Variants in SPOCD1 observed in about 807,000 individuals in gnomAD.
SPOCD1 encodes SPOC domain containing 1.
SPOCD1 carries 64 observed loss-of-function variants against 92.2 expected under a neutral mutation model. That is an observed-to-expected ratio of 0.69 (90% CI 0.57 to 0.86). The LOEUF (loss-of-function observed/expected upper bound fraction) is 0.86, where lower values mean the gene tolerates loss of function less well. SPOCD1 is among the 40% of genes least tolerant of loss of function. SPOCD1 has a pLI of 0.00. For synonymous variants in SPOCD1, 578 were observed against 619.3 expected, an observed-to-expected ratio of 0.93 and a Z score of 0.99; for missense variants, 1,360 against 1,543.1, an observed-to-expected ratio of 0.88 and a Z score of 1.99.
intron 13 of SPOCD1, 113 bp downstream of exon 13, chr1:31,793,165 A>C: frequency 3.7e-6 from 5 of 1,334,820 alleles, no homozygotes; most frequent in Middle Eastern, 2.7e-4. Context: ...CCAGGCACAG[A>C]AAGGGGTGCC....
intron 2 of SPOCD1, among the ~76,000 whole-genome samples, chr1:31,810,854 C>T (rs1043749203): frequency 3.9e-5 from 6 of 152,192 alleles, no homozygotes; most frequent in African/African-American, 1.4e-4. Context: ...GCCAGAGGAG[C>T]TGTGTGCCTC....
At position 31,801,751 on chromosome 1, in the gene SPOCD1, C is replaced by T. The variant is rs374779533; in HGVS notation, c.1384-46G>A. 136 of 1,496,224 alleles carry T rather than the reference C, an allele frequency of 9.1e-5. 2 individuals are homozygous for T. In the Middle Eastern group the frequency reaches 8.7e-3, roughly 96 times the overall value. 92.7% of individuals were successfully genotyped at this position (1,496,224 alleles called of 1,614,324 possible). On this transcript the variant is annotated intron_variant, in intron 2 of 15. Coordinates refer to ENST00000360482, the MANE Select transcript of SPOCD1 (RefSeq NM_144569.7). ...AGAGATTAGAATCCAGAGGACCCAG[C>T]CACCCCATGGCAGGGAATTCACAAA...
intron 2 of SPOCD1, among the ~76,000 whole-genome samples, chr1:31,806,834 T>A (rs974298477): frequency 1.3e-5 from 2 of 152,134 alleles, no homozygotes; most frequent in Admixed American, 1.3e-4. Context: ...ATTACAGGCG[T>A]GAGGAACCGC....
rs371603981 is a variant in SPOCD1 at position 31,794,220 on chromosome 1, T to C, written c.2287A>G (p.Met763Val). The change falls in exon 11 of 16, where the codon ATG (methionine) becomes GTG (valine). Residue 763 changes from methionine to valine, a missense_variant. By Grantham distance (21) the Met-to-Val change is conservative. Coordinates refer to ENST00000360482, the MANE Select transcript of SPOCD1 (RefSeq NM_144569.7). ...GGCAGGGCCTGTGGGCTGCAGTCCA[T>C]GAACATCTGCGGTCCCTGGGAGGCA... is the stretch of plus-strand genomic sequence containing the variant. ...LEDLVGPQMFMDCSPQALPIA... is the reference protein window; with the variant it reads ...LEDLVGPQMFVDCSPQALPIA... The C allele has an allele frequency of 1.2e-6, 2 of 1,612,984 alleles. No homozygotes were observed. Among genetic ancestry groups the C allele is most frequent in the African/African-American group, 1.3e-5 (1 of 74,888 alleles).
chr1:31,802,360 C>A (rs1002493760), intron 2 of SPOCD1, among the ~76,000 whole-genome samples: 5 of 152,170 alleles, frequency 3.3e-5, no homozygotes, highest in Non-Finnish European at 7.3e-5. Flanking sequence ...GAGGTATATA[C>A]TATTTCTATC....
intron 2 of SPOCD1, among the ~76,000 whole-genome samples, chr1:31,805,393 A>G (rs1648754535): frequency 6.6e-6 from 1 of 152,174 alleles, no homozygotes; most frequent in Non-Finnish European, 1.5e-5. Flanking sequence ...AAAAGGAGGC[A>G]ATGAAAGGGA....
chr1:31,809,454 A>G (rs1649051530), intron 2 of SPOCD1, among the ~76,000 whole-genome samples: 1 of 152,106 alleles, frequency 6.6e-6, no homozygotes, highest in Admixed American at 6.5e-5. Context: ...CACCCCAGAA[A>G]ATATTCCCTG....
At chr1:31,799,627 C>A in intron 6 of SPOCD1, 142 bp from the exon 7 acceptor site, 1 of 1,088,762 alleles carries the variant, frequency 9.2e-7, no homozygotes, top group Non-Finnish European at 1.3e-6. Context: ...CATCTGGGAG[C>A]CAAGCCCAGG....
rs756908210 is a variant in SPOCD1, at chr1:31,799,491, G to A, written c.1784-6C>T. On this transcript the variant is annotated splice_polypyrimidine_tract_variant and splice_region_variant and intron_variant, in intron 6 of 15. Coordinates refer to ENST00000360482, the MANE Select transcript of SPOCD1 (RefSeq NM_144569.7). Reference sequence around the variant, plus strand: ...CTTCTCCTGTTGGAGCTGAGCTGTAGGGAGAGAGCGTCACAGGCTCCCAGG... The same window carrying A: ...CTTCTCCTGTTGGAGCTGAGCTGTAAGGAGAGAGCGTCACAGGCTCCCAGG... 5.6e-6 allele frequency: 9 copies of A among 1,608,406 alleles called. No homozygotes were observed. Among genetic ancestry groups the A allele is most frequent in the Non-Finnish European group, 7.6e-6 (9 of 1,177,564 alleles).
chr1:31,812,310 T>C (rs1649250868), intron 2 of SPOCD1, among the ~76,000 whole-genome samples: 1 of 152,078 alleles, frequency 6.6e-6, no homozygotes, highest in South Asian at 2.1e-4. Context: ...TACACTACAG[T>C]GGTTGGAAAT....
intron 10 of SPOCD1, chr1:31,796,043 GA>G: frequency 8.8e-5 from 16 of 182,278 alleles, no homozygotes; most frequent in South Asian, 7.0e-4. Context: ...GAAGGAGCAG[GA>G]TGGACATGAG....
chr1:31,801,522 G>A (rs1648463386), intron 3 of SPOCD1, 142 bp downstream of exon 3: 2 of 683,442 alleles, frequency 2.9e-6, no homozygotes, highest in Middle Eastern at 3.7e-4. Flanking sequence ...ACATTATAGA[G>A]GGAGGGGAGC....
At chr1:31,804,397 T>C (rs951226977) in intron 2 of SPOCD1, among the ~76,000 whole-genome samples, 2 of 152,182 alleles carry the variant, frequency 1.3e-5, no homozygotes, top group East Asian at 3.8e-4. Context: ...TATGATCCCA[T>C]TCACCAAAAT....
Position 31,796,627 on chromosome 1 carries a change from C to T in SPOCD1, c.2234G>A (p.Arg745Gln), listed in dbSNP as rs761013266. ...CAGGGTCAGTGTCTGGTCCATGTCCCGCTGAATCTCCACTTCGCCCTTGTG... is the reference window on the plus strand; with the variant it reads ...CAGGGTCAGTGTCTGGTCCATGTCCTGCTGAATCTCCACTTCGCCCTTGTG... Reference protein sequence around the residue: ...MTHKGEVEIQRDMDQTLTLED... With the variant: ...MTHKGEVEIQQDMDQTLTLED... The change falls in exon 10 of 16, where the codon CGG becomes CAG. Residue 745 changes from arginine (R) to glutamine (Q), a missense_variant. Physicochemically the swap from Arg to Gln is conservative, Grantham distance 43. Transcript: ENST00000360482. 1.9e-5 allele frequency: 31 copies of T among 1,614,234 alleles called. No homozygotes were observed. Among genetic ancestry groups the T allele is most frequent in the Non-Finnish European group, 2.5e-5 (30 of 1,180,042 alleles).
At chr1:31,793,115 T>C (rs1226252903) in intron 13 of SPOCD1, among the ~76,000 whole-genome samples, 163 bp downstream of exon 13, 1 of 152,210 alleles carries the variant, frequency 6.6e-6, no homozygotes, top group East Asian at 1.9e-4. Context: ...TCTGTAGGAA[T>C]GGGACCAACA....
chr1:31,802,865 T>A (rs973532912), intron 2 of SPOCD1, among the ~76,000 whole-genome samples: 1 of 152,144 alleles, frequency 6.6e-6, no homozygotes, highest in South Asian at 2.1e-4. Context: ...ACAGGAAGTA[T>A]CTGCAAGAAC....
Position 31,801,686 on chromosome 1 carries a change from T to C in SPOCD1, c.1403A>G (p.His468Arg), listed in dbSNP as rs1487777242. Reference sequence around the variant, plus strand: ...TACGTAGCACACAAGCTTCACTCCATGGGGTATTTTCACTTCCTCCTTGGA... The same window carrying C: ...TACGTAGCACACAAGCTTCACTCCACGGGGTATTTTCACTTCCTCCTTGGA... ...CPRLEEVKIP[H>R]GVKLVCYLGS... The change falls in exon 3 of 16, where the codon CAT becomes CGT. Residue 468 changes from histidine to arginine, a missense_variant. This residue lies in a region of SPOCD1 where 606 missense variants were observed against 601.5 expected (regional missense o/e 1.01). Transcript: ENST00000360482. The C allele has an allele frequency of 5.0e-6, 8 of 1,613,736 alleles. No homozygotes were observed. The highest frequency in any genetic ancestry group is 2.7e-5 in the African/African-American group (2 of 74,906).
chr1:31,796,544 C>T, intron 10 of SPOCD1, 46 bp downstream of exon 10: 1 of 1,614,150 alleles, frequency 6.2e-7, no homozygotes, highest in East Asian at 2.2e-5. Context: ...GCGTGGGACC[C>T]CCAGGCATGG....
In SPOCD1 at chr1:31,803,868, AGAAG is replaced by A. The variant is rs145238373; in HGVS notation, c.1384-2167_1384-2164del. Among the ~76,000 whole-genome samples the A allele has an allele frequency of 6.4e-3, 972 of 151,946 alleles. 9 individuals are homozygous for A. The highest frequency in any genetic ancestry group is 0.021 in the African/African-American group (887 of 41,442). On this transcript the variant is annotated intron_variant, in intron 2 of 15. Transcript: ENST00000360482. ...AAAGAAGAAAGAAAGGTAGGAAGAAAGAAGGAAGGAAGGAAGAAAGGAAGGAAGG... is the reference window on the plus strand; with the variant it reads ...AAAGAAGAAAGAAAGGTAGGAAGAAAGAAGGAAGGAAGAAAGGAAGGAAGG...
Sources: allele counts gnomAD v4.1 joint callset (sites outside exome capture counted in the v4.1 genomes callset), GRCh38; gene constraint gnomAD v4.1.1; regional missense constraint gnomAD v4.1.1; transcripts MANE v1.5; gene names NCBI Gene and HGNC (gene_info 2026-07-23, HGNC 2026-07-21).